DDR2: variants seen among roughly 807,000 people sequenced by gnomAD.
The protein encoded by DDR2 is discoidin domain-containing receptor 2.
In DDR2, 27 loss-of-function variants were observed where a neutral mutation model predicts 94.9. The observed-to-expected ratio is 0.28, with a 90% CI of 0.21 to 0.39. DDR2 has a LOEUF of 0.39. Ranked by LOEUF, DDR2 falls within the 10% of genes least tolerant of loss-of-function variation. The pLI is 1.00. For synonymous variants in DDR2, 382 were observed against 377.2 expected (o/e 1.01, Z -0.15); for missense variants, 783 against 1,076.0 (o/e 0.73, Z 3.81).
intron 2 of DDR2, among the ~76,000 whole-genome samples, chr1:162,685,534 C>T (rs948699527): frequency 1.3e-4 from 20 of 151,700 alleles, no homozygotes; most frequent in Admixed American, 6.6e-5. Context: ...ACTTTTTTAA[C>T]AAGGTATATA....
At chr1:162,698,613 T>C (rs1377643761) in intron 2 of DDR2, among the ~76,000 whole-genome samples, 3 of 152,196 alleles carry the variant, frequency 2.0e-5, no homozygotes, top group Admixed American at 2.0e-4. Flanking sequence ...TGCTAACCTC[T>C]GCCTGCCTCT....
intron 3 of DDR2, among the ~76,000 whole-genome samples, chr1:162,733,623 T>C (rs1662161383): frequency 1.3e-5 from 2 of 152,356 alleles, no homozygotes; most frequent in East Asian, 1.9e-4. Context: ...ATCCTAACTT[T>C]CGTTGTCTGG....
At chr1:162,634,036 T>C (rs985005187) in intron 1 of DDR2, among the ~76,000 whole-genome samples, 1 of 152,180 alleles carries the variant, frequency 6.6e-6, no homozygotes, top group Non-Finnish European at 1.5e-5. Context: ...GAATCACTAT[T>C]CAATGATACT....
At chr1:162,754,988 C>A in intron 5 of DDR2, 133 bp downstream of exon 5, 1 of 1,422,894 alleles carries the variant, frequency 7.0e-7, no homozygotes, top group Non-Finnish European at 9.8e-7. Context: ...AATGTGTGAC[C>A]CAGGGTGAGG....
intron 3 of DDR2, among the ~76,000 whole-genome samples, chr1:162,749,960 GC>G (rs1322825412): frequency 6.6e-6 from 1 of 152,146 alleles, no homozygotes; most frequent in Non-Finnish European, 1.5e-5. Flanking sequence ...AAATTCAACA[GC>G]CCTTCATGCT....
chr1:162,712,375 A>G (rs1660958940), intron 2 of DDR2, among the ~76,000 whole-genome samples: 1 of 151,658 alleles, frequency 6.6e-6, no homozygotes, highest in Admixed American at 6.6e-5. Context: ...TCTCAGAAAA[A>G]GGCTTTTAGA....
intron 2 of DDR2, among the ~76,000 whole-genome samples, chr1:162,684,126 G>A (rs1248130404): frequency 6.6e-6 from 1 of 152,172 alleles, no homozygotes; most frequent in African/African-American, 2.4e-5. Context: ...AAAAGCTCTA[G>A]ACTCAGAGTC....
intron 13 of DDR2, 108 bp from the exon 14 acceptor site, chr1:162,773,361 T>C: frequency 6.9e-7 from 1 of 1,455,224 alleles, no homozygotes; most frequent in East Asian, 2.3e-5. Flanking sequence ...CTTTTGATCA[T>C]TTTGCCTGAG....
chr1:162,705,239 G>A (rs66950460), intron 2 of DDR2: 14,162 of 152,268 alleles, frequency 0.093, 730 homozygotes, highest in Non-Finnish European at 0.11. Flanking sequence ...CTTTGTCCCA[G>A]TGTGACCTTG....
chr1:162,729,191 T>C (rs1203065038), intron 3 of DDR2, among the ~76,000 whole-genome samples: 2 of 150,388 alleles, frequency 1.3e-5, no homozygotes, highest in Non-Finnish European at 1.5e-5. Flanking sequence ...AAGTTGCTTT[T>C]GGGGAATGGG....
chr1:162,740,946 G>A (rs997319347), intron 3 of DDR2, among the ~76,000 whole-genome samples: 2 of 152,024 alleles, frequency 1.3e-5, no homozygotes, highest in Non-Finnish European at 2.9e-5. Flanking sequence ...TGGGACACAC[G>A]GCTTGCACCA....
chr1:162,657,022 G>C (rs1658019736), intron 2 of DDR2, among the ~76,000 whole-genome samples: 1 of 151,100 alleles, frequency 6.6e-6, no homozygotes, highest in Non-Finnish European at 1.5e-5. Context: ...TATTTTTTGT[G>C]GAGATGAGGG....
chr1:162,752,186 T>C lies in DDR2; in HGVS notation c.83-909T>C, dbSNP rs76045264. Among the ~76,000 whole-genome samples the C allele has an allele frequency of 9.5e-3, 1,443 of 151,790 alleles. 22 individuals are homozygous for C. The highest frequency in any genetic ancestry group is 0.033 in the African/African-American group (1,377 of 41,422). On this transcript the variant is annotated intron_variant, in intron 3 of 17. Transcript: ENST00000367921. The stretch of plus-strand genomic sequence containing the variant: ...GAAAAAAAAAAACTTTTGTTGCTTA[T>C]CCGAAATTTAAATTTAACTAGGTAT...
chr1:162,752,042 T>C lies in DDR2; in HGVS notation c.83-1053T>C, dbSNP rs529593909. Among the ~76,000 whole-genome samples the C allele has an allele frequency of 2.0e-5, 3 of 152,000 alleles. No homozygotes were observed. The East Asian group carries it at 5.8e-4, about 29-fold the overall frequency. On this transcript the variant is annotated intron_variant, in intron 3 of 17. Coordinates refer to ENST00000367921, the MANE Select transcript of DDR2 (RefSeq NM_006182.4). ...GAATGGCATTAAGAGAAATACCTATTGTAAATGACGAGTTAATGGGTGCAG... is the reference window on the plus strand; with the variant it reads ...GAATGGCATTAAGAGAAATACCTATCGTAAATGACGAGTTAATGGGTGCAG...
At chr1:162,745,670 A>G (rs1415992411) in intron 3 of DDR2, among the ~76,000 whole-genome samples, 4 of 151,502 alleles carry the variant, frequency 2.6e-5, no homozygotes, top group African/African-American at 4.9e-5. Context: ...ATTCTGTCCT[A>G]TTGGTCTATA....
At chr1:162,748,537 CT>C (rs143337189) in intron 3 of DDR2, among the ~76,000 whole-genome samples, 15,757 of 152,148 alleles carry the variant, frequency 0.1, 1,170 homozygotes, top group African/African-American at 0.2. Flanking sequence ...GAGACTTAGA[CT>C]CCCACAGAAT....
At chr1:162,647,192 TA>T (rs34226139) in intron 1 of DDR2, among the ~76,000 whole-genome samples, 1 of 151,898 alleles carries the variant, frequency 6.6e-6, no homozygotes, top group Non-Finnish European at 1.5e-5. Flanking sequence ...AATCTATCTA[TA>T]AAAAAAAGAA....
At chr1:162,714,101 C>T (rs1186875347) in intron 2 of DDR2, among the ~76,000 whole-genome samples, 1 of 151,966 alleles carries the variant, frequency 6.6e-6, no homozygotes, top group Non-Finnish European at 1.5e-5. Flanking sequence ...TATTGTCTCC[C>T]CTGTTGAATG....
At position 162,782,149 on chromosome 1, in the gene DDR2, T is replaced by G. The variant is rs1303374760; in HGVS notation, c.*1903T>G. 2.0e-5 allele frequency: 3 copies of G among 152,230 alleles called. No homozygotes were observed. The highest frequency in any genetic ancestry group is 4.4e-5 in the Non-Finnish European group (3 of 68,044). The allele number at this position is 152,230 out of a possible 1,614,324, so 9.4% of individuals were successfully genotyped here. On this transcript the variant is annotated 3_prime_UTR_variant, in exon 18 of 18. Transcript: ENST00000367921. ...GTCAAGAGAGCATTGGTTTGGGAGC[T>G]TTAATCCTCTTTCTGCTTCACACTA...
Sources: allele counts gnomAD v4.1 joint callset (sites outside exome capture counted in the v4.1 genomes callset), GRCh38; gene constraint gnomAD v4.1.1; transcripts MANE v1.5; gene names NCBI Gene and HGNC (gene_info 2026-07-23, HGNC 2026-07-21).